LSM14B: variants seen among roughly 807,000 people sequenced by gnomAD.
LSM14B encodes the protein protein LSM14 homolog B.
Under a neutral mutation model 42.1 loss-of-function variants are expected in LSM14B, and 8 were observed. The observed-to-expected ratio is 0.19, with a 90% CI of 0.11 to 0.34. LSM14B has a LOEUF of 0.34. Ranked by LOEUF, LSM14B falls within the 10% of genes least tolerant of loss-of-function variation. LSM14B has a pLI of 1.00. For missense variants in LSM14B, 396 were observed against 513.1 expected, an observed-to-expected ratio of 0.77 and a Z score of 2.21; for synonymous variants, 219 against 209.7, an observed-to-expected ratio of 1.04 and a Z score of -0.38.
chr20:62,132,466 G>GC (rs975812207), intron 7 of LSM14B, among the ~76,000 whole-genome samples: 1 of 152,238 alleles, frequency 6.6e-6, no homozygotes, highest in Non-Finnish European at 1.5e-5. Flanking sequence ...CTGCTGACTG[G>GC]CCAGTTAGGG....
At chr20:62,123,572 A>T (rs981349996) in intron 1 of LSM14B, among the ~76,000 whole-genome samples, 3 of 152,234 alleles carry the variant, frequency 2.0e-5, no homozygotes, top group African/African-American at 7.2e-5. Context: ...CGGGTGGTCC[A>T]GAGTTTCTTT....
chr20:62,131,540 C>T (rs1332577232), intron 7 of LSM14B, 34 bp downstream of exon 7: 1 of 1,607,366 alleles, frequency 6.2e-7, no homozygotes, highest in Non-Finnish European at 8.5e-7. Flanking sequence ...GAGGACAGTC[C>T]TCCAATCTAG....
At chr20:62,133,213 G>T in intron 7 of LSM14B, 77 bp from the exon 8 acceptor site, 1 of 1,556,570 alleles carries the variant, frequency 6.4e-7, no homozygotes, top group East Asian at 2.3e-5. Flanking sequence ...CCTTCCCTGG[G>T]CCGCTCTGAG....
At position 62,132,393 on chromosome 20, in the gene LSM14B, G is replaced by A. The variant is rs77385007; in HGVS notation, c.986+887G>A. On this transcript the variant is annotated intron_variant, in intron 7 of 8. Transcript: ENST00000279068. ...CCATCAGAGGGTTTTGTGCTGAAGCGTGGTGCGGTCTGATGTTTTACGGCG... is the reference window on the plus strand; with the variant it reads ...CCATCAGAGGGTTTTGTGCTGAAGCATGGTGCGGTCTGATGTTTTACGGCG... 9.7e-3 allele frequency among the ~76,000 whole-genome samples: 1,475 copies of A among 152,338 alleles called. 25 individuals carry two copies. Among genetic ancestry groups the A allele is most frequent in the African/African-American group, 0.033 (1,373 of 41,572 alleles).
In LSM14B at chr20:62,130,477, A is replaced by C; in HGVS notation, c.674-53A>C. ...CTGGAAATTCCTTGTGAGGTGTTTGAGATCACTGGGTTGGTGACCTACTTC... is the reference window on the plus strand; with the variant it reads ...CTGGAAATTCCTTGTGAGGTGTTTGCGATCACTGGGTTGGTGACCTACTTC... On this transcript the variant is annotated intron_variant, in intron 5 of 8. Coordinates refer to ENST00000279068, the MANE Select transcript of LSM14B (RefSeq NM_144703.3). This position sits in a 1 kb window ranked among gnomAD's most constrained non-coding sequence, Gnocchi z 4.1. The C allele has an allele frequency of 1.3e-6, 2 of 1,596,700 alleles. No homozygotes were observed. Among genetic ancestry groups the C allele is most frequent in the Non-Finnish European group, 1.7e-6 (2 of 1,170,290 alleles).
rs2056751310 is a variant in LSM14B at position 62,131,000 on chromosome 20, A to G, written c.835+309A>G. ...TGGAGGTTGCAGTGGGAGTGAGCCA[A>G]GATTGCGCCACTGCACTCCAGCCGG... On this transcript the variant is annotated intron_variant, in intron 6 of 8. Transcript: ENST00000279068. The surrounding 1 kb of genome is among the most constrained non-coding windows in gnomAD (Gnocchi z 4.1). Among the ~76,000 whole-genome samples the G allele has an allele frequency of 6.6e-6, 1 of 152,198 alleles. No individual in the cohort carries two copies. The highest frequency in any genetic ancestry group is 1.5e-5 in the Non-Finnish European group (1 of 68,018).
intron 3 of LSM14B, chr20:62,127,990 G>C (rs985003478): frequency 1.3e-5 from 8 of 616,974 alleles, no homozygotes; most frequent in Admixed American, 2.6e-5. Context: ...TTCACAGAAA[G>C]TCATTTCCCT....
rs1290370715 is a variant in LSM14B at position 62,130,397 on chromosome 20, T to G, written c.673+101T>G. On this transcript the variant is annotated intron_variant, in intron 5 of 8. Coordinates refer to ENST00000279068, the MANE Select transcript of LSM14B (RefSeq NM_144703.3). This position sits in a 1 kb window ranked among gnomAD's most constrained non-coding sequence, Gnocchi z 4.1. Reference sequence around the variant, plus strand: ...CTCTGGTTGACGGTTTCAGGGGTGCTGGTGTGAAGTCGCTGCTTGTGTGCT... The same window carrying G: ...CTCTGGTTGACGGTTTCAGGGGTGCGGGTGTGAAGTCGCTGCTTGTGTGCT... 4 of 1,524,986 alleles carry G rather than the reference T, an allele frequency of 2.6e-6. No homozygotes were observed. The East Asian group carries it at 9.7e-5, about 37-fold the overall frequency. The allele number at this position is 1,524,986 out of a possible 1,614,324, so 94.5% of individuals were successfully genotyped here.
rs2056705958 is a variant in LSM14B, at chr20:62,129,665, A to G, written c.428-120A>G. 8 of 1,095,364 alleles carry G rather than the reference A, an allele frequency of 7.3e-6. No individual in the cohort carries two copies. In the South Asian group the frequency reaches 1.3e-4, roughly 18 times the overall value. 67.9% of individuals were successfully genotyped at this position (1,095,364 alleles called of 1,614,324 possible). On this transcript the variant is annotated intron_variant, in intron 3 of 8. Coordinates refer to ENST00000279068, the MANE Select transcript of LSM14B (RefSeq NM_144703.3). ...GGGGTGCTTTGCCTGGATTTGATAGAACATCTAGGCAGTTGCCCTCCTTTC... is the reference window on the plus strand; with the variant it reads ...GGGGTGCTTTGCCTGGATTTGATAGGACATCTAGGCAGTTGCCCTCCTTTC...
intron 3 of LSM14B, among the ~76,000 whole-genome samples, chr20:62,128,744 C>G (rs1324268040): frequency 6.6e-6 from 1 of 152,188 alleles, no homozygotes; most frequent in African/African-American, 2.4e-5. Flanking sequence ...AGGACACTTT[C>G]CAGACCTCTA....
chr20:62,133,263 AC>A, intron 7 of LSM14B, 26 bp from the exon 8 acceptor site: 1 of 1,610,084 alleles, frequency 6.2e-7, no homozygotes, highest in Non-Finnish European at 8.5e-7. Context: ...AGTGCCTGCT[AC>A]AATCAGCATT....
Position 62,130,179 on chromosome 20 carries a change from C to T in LSM14B, c.596-40C>T, listed in dbSNP as rs2056725613. On this transcript the variant is annotated intron_variant, in intron 4 of 8. Transcript: ENST00000279068. The surrounding 1 kb of genome is among the most constrained non-coding windows in gnomAD (Gnocchi z 4.1). ...ACAGCTGGGTTCTGGCTTCCGGCTG[C>T]TATAGGAGCTTTGCCTTACTCTTCC... 6 of 1,560,278 alleles carry T rather than the reference C, an allele frequency of 3.8e-6. No individual in the cohort carries two copies. In the East Asian group the frequency reaches 1.4e-4, roughly 38 times the overall value.
In LSM14B at chr20:62,130,464, T is replaced by C; in HGVS notation, c.674-66T>C. On this transcript the variant is annotated intron_variant, in intron 5 of 8. Coordinates refer to ENST00000279068, the MANE Select transcript of LSM14B (RefSeq NM_144703.3). This position sits in a 1 kb window ranked among gnomAD's most constrained non-coding sequence, Gnocchi z 4.1. ...CTTGGGGGTGTGCCTGGAAATTCCT[T>C]GTGAGGTGTTTGAGATCACTGGGTT... 1.9e-6 allele frequency: 3 copies of C among 1,583,772 alleles called. No individual in the cohort carries two copies. Among genetic ancestry groups the C allele is most frequent in the Admixed American group, 3.6e-5 (2 of 55,570 alleles).
chr20:62,131,604 C>T, intron 7 of LSM14B, 98 bp downstream of exon 7: 1 of 1,480,424 alleles, frequency 6.8e-7, no homozygotes, highest in Non-Finnish European at 9.2e-7. Context: ...CTCTGAGGCT[C>T]AGGGTAGCTG....
Position 62,130,198 on chromosome 20 carries a change from C to T in LSM14B, c.596-21C>T, listed in dbSNP as rs764744013. 2.1e-5 allele frequency: 33 copies of T among 1,580,256 alleles called. No individual in the cohort carries two copies. Among genetic ancestry groups the T allele is most frequent in the Non-Finnish European group, 2.8e-5 (32 of 1,163,366 alleles). On this transcript the variant is annotated intron_variant, in intron 4 of 8. Coordinates refer to ENST00000279068, the MANE Select transcript of LSM14B (RefSeq NM_144703.3). This position sits in a 1 kb window ranked among gnomAD's most constrained non-coding sequence, Gnocchi z 4.1. ...CGGCTGCTATAGGAGCTTTGCCTTA[C>T]TCTTCCCTTTTGCGCCGTAGATGTA...
chr20:62,132,300 A>T (rs1014282541), intron 7 of LSM14B, among the ~76,000 whole-genome samples: 14 of 152,090 alleles, frequency 9.2e-5, no homozygotes, highest in Admixed American at 8.5e-4. Context: ...AGTCTGGGGG[A>T]TGGGTTCCTG....
chr20:62,123,370 C>T (rs1270886857), intron 1 of LSM14B: 1 of 152,496 alleles, frequency 6.6e-6, no homozygotes, highest in African/African-American at 2.4e-5. Flanking sequence ...GGCCTCCTGC[C>T]AAGGCAGAAG....
chr20:62,126,405 G>C lies in LSM14B; in HGVS notation c.393G>C (p.Leu131=). 2 of 1,611,112 alleles carry C rather than the reference G, an allele frequency of 1.2e-6. No homozygotes were observed. Among genetic ancestry groups the C allele is most frequent in the Non-Finnish European group, 1.7e-6 (2 of 1,179,828 alleles). The part of the protein sequence containing the change: ...APYGPLAASS[L]LSQQYAASLG... ...ACGGCCCGCTGGCGGCCAGCTCCCTGCTCAGCCAGCAGTATGCCGCCTCCC... is the reference window on the plus strand; with the variant it reads ...ACGGCCCGCTGGCGGCCAGCTCCCTCCTCAGCCAGCAGTATGCCGCCTCCC... The change falls in exon 3 of 9, where the codon CTG becomes CTC. Residue 131 remains leucine, a synonymous_variant. Coordinates refer to ENST00000279068, the MANE Select transcript of LSM14B (RefSeq NM_144703.3).
chr20:62,122,725 C>T lies in LSM14B; in HGVS notation c.59C>T (p.Ala20Val). The T allele has an allele frequency of 6.6e-7, 1 of 1,525,542 alleles. No individual in the cohort carries two copies. Among genetic ancestry groups the T allele is most frequent in the Non-Finnish European group, 8.8e-7 (1 of 1,132,278 alleles). The allele number at this position is 1,525,542 out of a possible 1,614,324, so 94.5% of individuals were successfully genotyped here. A position where few individuals can be genotyped will look rare whatever the true frequency, so the allele number is the denominator to read the frequency against. Reference protein sequence around the residue: ...LGSKISLISKAQIRYEGILYT... With the variant: ...LGSKISLISKVQIRYEGILYT... ...AGCAAGATCAGCCTCATCTCCAAGG[C>T]GCAGATCCGCTACGAGGGCATTCTC... The change falls in exon 1 of 9, where the codon GCG becomes GTG. Residue 20 changes from alanine (A) to valine (V), a missense_variant. By Grantham distance (64) the Ala-to-Val change is moderately conservative. This residue lies in a region of LSM14B where 274 missense variants were observed against 335.8 expected (regional missense o/e 0.82). Coordinates refer to ENST00000279068, the MANE Select transcript of LSM14B (RefSeq NM_144703.3). The surrounding 1 kb of genome is among the most constrained non-coding windows in gnomAD (Gnocchi z 4.6).
Sources: allele counts gnomAD v4.1 joint callset (sites outside exome capture counted in the v4.1 genomes callset), GRCh38; gene constraint gnomAD v4.1.1; regional missense constraint gnomAD v4.1.1; non-coding constraint Gnocchi (gnomAD v3.1); transcripts MANE v1.5; gene names NCBI Gene and HGNC (gene_info 2026-07-23, HGNC 2026-07-21).